FBXL7: variants seen among roughly 807,000 people sequenced by gnomAD.
FBXL7 encodes the protein F-box/LRR-repeat protein 7.
FBXL7 carries 12 observed loss-of-function variants against 38.3 expected under a neutral mutation model. That is an observed-to-expected ratio of 0.31 (90% CI 0.20 to 0.51). The LOEUF (loss-of-function observed/expected upper bound fraction) is 0.51, where lower values mean the gene tolerates loss of function less well. Among genes scored for constraint, FBXL7 ranks in the 20% least tolerant of loss-of-function variants. The pLI is 0.98. For synonymous variants in FBXL7, 297 were observed against 300.9 expected, an observed-to-expected ratio of 0.99 and a Z score of 0.13; for missense variants, 567 against 676.4, an observed-to-expected ratio of 0.84 and a Z score of 1.79.
rs1742202781 is a variant in FBXL7, at chr5:15,936,753, T to C, written c.1043T>C (p.Leu348Pro). The C allele has an allele frequency of 1.2e-6, 2 of 1,610,092 alleles. No homozygotes were observed. The highest frequency in any genetic ancestry group is 1.7e-6 in the Non-Finnish European group (2 of 1,179,284). The change falls in exon 4 of 4, where the codon CTG (leucine) becomes CCG (proline). Residue 348 changes from leucine to proline, a missense_variant. Leu to Pro is a moderately conservative substitution (Grantham distance 98). Transcript: ENST00000504595. The surrounding 1 kb of genome is among the most constrained non-coding windows in gnomAD (Gnocchi z 6.0). ...SDFGLREIAK[L>P]ESRLRYLSIA... ...TTCGGCCTGCGGGAGATCGCCAAGC[T>C]GGAGTCCCGCCTGCGGTACCTGAGC...
At chr5:15,821,124 G>C (rs1348542545) in intron 2 of FBXL7, among the ~76,000 whole-genome samples, 1 of 152,150 alleles carries the variant, frequency 6.6e-6, no homozygotes, top group Non-Finnish European at 1.5e-5. Flanking sequence ...TAAATGGTTT[G>C]TTAGATAGCT....
chr5:15,527,883 A>G (rs73751971), intron 1 of FBXL7, among the ~76,000 whole-genome samples: 3,100 of 152,312 alleles, frequency 0.02, 107 homozygotes, highest in African/African-American at 0.071. Flanking sequence ...GTTTCAAGAT[A>G]CTTCCTATGT....
intron 2 of FBXL7, among the ~76,000 whole-genome samples, chr5:15,717,183 A>G (rs1216069635): frequency 6.6e-6 from 1 of 152,184 alleles, no homozygotes; most frequent in Admixed American, 6.5e-5. Context: ...GGGGAAGGTC[A>G]TATGCATTTG....
At chr5:15,893,062 G>A (rs1740975910) in intron 2 of FBXL7, among the ~76,000 whole-genome samples, 1 of 151,648 alleles carries the variant, frequency 6.6e-6, no homozygotes, top group South Asian at 2.1e-4. Context: ...CTTGCAGTGA[G>A]CGGAGATCAC....
chr5:15,568,664 C>T (rs1206912964), intron 1 of FBXL7, among the ~76,000 whole-genome samples: 1 of 150,570 alleles, frequency 6.6e-6, no homozygotes, highest in Non-Finnish European at 1.5e-5. Flanking sequence ...AGTCCTTGCC[C>T]ATGCCTATGT....
intron 2 of FBXL7, among the ~76,000 whole-genome samples, chr5:15,673,243 G>A (rs749362743): frequency 6.7e-6 from 1 of 149,374 alleles, no homozygotes; most frequent in African/African-American, 2.5e-5. Flanking sequence ...TTGAACCTGG[G>A]AGCCAGAGGT....
intron 2 of FBXL7, among the ~76,000 whole-genome samples, chr5:15,645,993 G>T (rs1741518928): frequency 6.6e-6 from 1 of 152,168 alleles, no homozygotes; most frequent in South Asian, 2.1e-4. Flanking sequence ...AGTCATTGAG[G>T]TTTAATGTGG....
chr5:15,786,530 G>A (rs934863101), intron 2 of FBXL7, among the ~76,000 whole-genome samples: 1 of 152,140 alleles, frequency 6.6e-6, no homozygotes, highest in African/African-American at 2.4e-5. Flanking sequence ...AGTGCCAACT[G>A]CCTGTTCTTT....
intron 2 of FBXL7, among the ~76,000 whole-genome samples, chr5:15,745,952 C>T (rs1736004068): frequency 6.6e-6 from 1 of 152,156 alleles, no homozygotes; most frequent in Admixed American, 6.5e-5. Context: ...GGAGAAATAG[C>T]AGAAGGCCCT....
chr5:15,525,107 C>T (rs1737214573), intron 1 of FBXL7, among the ~76,000 whole-genome samples: 1 of 152,208 alleles, frequency 6.6e-6, no homozygotes, highest in African/African-American at 2.4e-5. Flanking sequence ...GTTTCCCCAT[C>T]TTTAAAATGA....
rs371816916 is a variant in FBXL7 at position 15,742,095 on chromosome 5, G to C, written c.127+126023G>C. 1.3e-3 allele frequency among the ~76,000 whole-genome samples: 202 copies of C among 152,248 alleles called. 2 individuals carry two copies. Among genetic ancestry groups the C allele is most frequent in the African/African-American group, 4.7e-3 (197 of 41,542 alleles). On this transcript the variant is annotated intron_variant, in intron 2 of 3. Transcript: ENST00000504595. Reference sequence around the variant, plus strand: ...TTCTGCTTAATGGACACTTTTGGCTGTTTTTAGAGATGTTTTTATCCAAAA... The same window carrying C: ...TTCTGCTTAATGGACACTTTTGGCTCTTTTTAGAGATGTTTTTATCCAAAA...
intron 2 of FBXL7, among the ~76,000 whole-genome samples, chr5:15,763,661 G>T (rs898781800): frequency 6.6e-6 from 1 of 151,956 alleles, no homozygotes; most frequent in East Asian, 1.9e-4. Flanking sequence ...GGTTTTATAG[G>T]TTTCTATTCT....
intron 1 of FBXL7, among the ~76,000 whole-genome samples, chr5:15,537,654 T>C (rs1454616560): frequency 2.0e-5 from 3 of 152,378 alleles, no homozygotes; most frequent in East Asian, 3.9e-4. Context: ...GGAGGGCTCA[T>C]AGAAGTACGG....
chr5:15,607,959 C>G (rs1448880378), intron 1 of FBXL7, among the ~76,000 whole-genome samples: 1 of 152,208 alleles, frequency 6.6e-6, no homozygotes, highest in Non-Finnish European at 1.5e-5. Flanking sequence ...CTGACCAGCA[C>G]AGTTCCAGTG....
chr5:15,872,478 C>G (rs1740009156), intron 2 of FBXL7, among the ~76,000 whole-genome samples: 1 of 152,156 alleles, frequency 6.6e-6, no homozygotes, highest in Non-Finnish European at 1.5e-5. Context: ...TTAAAAGGCA[C>G]AGACTGGCAA....
chr5:15,555,974 C>CT (rs1554005523), intron 1 of FBXL7, among the ~76,000 whole-genome samples: 44 of 141,002 alleles, frequency 3.1e-4, no homozygotes, highest in African/African-American at 9.4e-4. Context: ...ATCTGTCTAT[C>CT]ATCTATCTAT....
At position 15,546,265 on chromosome 5, in the gene FBXL7, G is replaced by T. The variant is rs75339950; in HGVS notation, c.37+45552G>T. 1.8e-3 allele frequency among the ~76,000 whole-genome samples: 266 copies of T among 150,942 alleles called. 3 individuals are homozygous for T. The Middle Eastern group carries it at 0.04, about 22-fold the overall frequency. On this transcript the variant is annotated intron_variant, in intron 1 of 3. Transcript: ENST00000504595. Reference sequence around the variant, plus strand: ...GCCAACATGGTGAAACCCCATTTCTGCTGGAAATACAGAAGTTATGGCCAG... The same window carrying T: ...GCCAACATGGTGAAACCCCATTTCTTCTGGAAATACAGAAGTTATGGCCAG...
At chr5:15,842,962 G>A (rs1738789686) in intron 2 of FBXL7, among the ~76,000 whole-genome samples, 1 of 151,986 alleles carries the variant, frequency 6.6e-6, no homozygotes, top group African/African-American at 2.4e-5. Context: ...ACCTATCATT[G>A]GCAAAGTTTT....
At chr5:15,579,938 G>A (rs1386639718) in intron 1 of FBXL7, among the ~76,000 whole-genome samples, 2 of 152,204 alleles carry the variant, frequency 1.3e-5, no homozygotes, top group Admixed American at 6.5e-5. Flanking sequence ...CAGGGAAGCA[G>A]CATTGGCTTT....
Sources: allele counts gnomAD v4.1 joint callset (sites outside exome capture counted in the v4.1 genomes callset), GRCh38; gene constraint gnomAD v4.1.1; non-coding constraint Gnocchi (gnomAD v3.1); transcripts MANE v1.5; gene names NCBI Gene and HGNC (gene_info 2026-07-23, HGNC 2026-07-21).